HADHB: variants seen among roughly 807,000 people sequenced by gnomAD.
The protein encoded by HADHB is hydroxyacyl-CoA dehydrogenase trifunctional multienzyme complex subunit beta.
A neutral mutation model predicts 61.9 loss-of-function variants in HADHB; 50 were observed. The ratio of observed to expected loss-of-function variants is 0.81; its 90% CI spans 0.64 to 1.02. HADHB has a LOEUF of 1.02. Among genes scored for constraint, HADHB ranks in the 50% least tolerant of loss-of-function variants. The pLI is 0.00. For missense variants in HADHB, 504 were observed against 586.5 expected (o/e 0.86, Z 1.45); for synonymous variants, 191 against 201.6 (o/e 0.95, Z 0.45).
rs190707198 is a variant in HADHB at position 26,289,106 on chromosome 2, C to T, written c.1390-812C>T. ...TCTACTAAAAATACAAAAAATTAGC[C>T]GGACGTGGTGGCGGGCGCCTGTAGT... On this transcript the variant is annotated intron_variant, in intron 15 of 15. Transcript: ENST00000317799. Among the ~76,000 whole-genome samples the T allele has an allele frequency of 2.3e-3, 343 of 151,448 alleles. 3 individuals carry two copies. Among genetic ancestry groups the T allele is most frequent in the African/African-American group, 7.0e-3 (290 of 41,280 alleles).
At chr2:26,274,014 T>G (rs1025830311) in intron 6 of HADHB, among the ~76,000 whole-genome samples, 1 of 152,226 alleles carries the variant, frequency 6.6e-6, no homozygotes, top group Non-Finnish European at 1.5e-5. Flanking sequence ...CATTGTCTCT[T>G]GTGTTAGGAA....
intron 7 of HADHB, 71 bp from the exon 8 acceptor site, chr2:26,278,543 A>G: frequency 7.8e-7 from 1 of 1,289,482 alleles, no homozygotes; most frequent in Non-Finnish European, 1.1e-6. Flanking sequence ...TTTTTAATCA[A>G]GAAGCTTAAA....
intron 3 of HADHB, among the ~76,000 whole-genome samples, chr2:26,257,355 C>T (rs1203825575): frequency 6.6e-6 from 1 of 151,730 alleles, no homozygotes; most frequent in Non-Finnish European, 1.5e-5. Flanking sequence ...CTCCTGACCT[C>T]GTGATCTGCC....
chr2:26,268,287 A>G (rs554971127), intron 4 of HADHB, among the ~76,000 whole-genome samples: 1 of 152,368 alleles, frequency 6.6e-6, no homozygotes, highest in South Asian at 2.1e-4. Context: ...AATCTCCCCC[A>G]AAATATTTAT....
At chr2:26,260,685 A>G (rs1362557706) in intron 3 of HADHB, 2 of 290,184 alleles carry the variant, frequency 6.9e-6, no homozygotes, top group African/African-American at 2.2e-5. Context: ...TTTTTGGTGT[A>G]GTAATGGACC....
At chr2:26,266,861 C>T (rs2147813253) in intron 4 of HADHB, among the ~76,000 whole-genome samples, 1 of 36,892 alleles carries the variant, frequency 2.7e-5, no homozygotes, top group East Asian at 2.5e-4. Flanking sequence ...TGGAGTGAGA[C>T]ACTCTCTCTC....
intron 15 of HADHB, among the ~76,000 whole-genome samples, chr2:26,287,563 A>G (rs1673085985): frequency 6.6e-6 from 1 of 152,222 alleles, no homozygotes; most frequent in African/African-American, 2.4e-5. Flanking sequence ...GCTTTTATGG[A>G]TGAACAAGGA....
At chr2:26,284,839 G>A (rs1672956569) in intron 13 of HADHB, 44 bp from the exon 14 acceptor site, 2 of 950,922 alleles carry the variant, frequency 2.1e-6, no homozygotes, top group African/African-American at 1.6e-5. Flanking sequence ...AAGCGTAGAG[G>A]AACATGAATA....
At chr2:26,261,189 A>C (rs566124994) in intron 3 of HADHB, 1 of 529,166 alleles carries the variant, frequency 1.9e-6, no homozygotes, top group East Asian at 2.9e-5. Flanking sequence ...TGGGATGTCC[A>C]AAACAACAAC....
At chr2:26,245,909 A>G (rs981475874) in intron 1 of HADHB, among the ~76,000 whole-genome samples, 25 of 152,178 alleles carry the variant, frequency 1.6e-4, no homozygotes, top group African/African-American at 5.8e-4. Context: ...TCTGTGACAG[A>G]CCTAGCATTC....
In HADHB at chr2:26,263,419, A is replaced by G. The variant is rs1671940266; in HGVS notation, c.149A>G (p.Asn50Ser). 1 of 1,613,544 alleles carries G rather than the reference A, an allele frequency of 6.2e-7. No individual in the cohort carries two copies. The highest frequency in any genetic ancestry group is 1.7e-4 in the Middle Eastern group (1 of 6,028). The part of the protein sequence containing the change: ...TKTKKTLAKP[N>S]IRNVVVVDGV... Reference sequence around the variant, plus strand: ...ACGAAGAAGACGTTAGCCAAACCCAATATAAGGAATGTTGTGGTGGTGGAT... The same window carrying G: ...ACGAAGAAGACGTTAGCCAAACCCAGTATAAGGAATGTTGTGGTGGTGGAT... The change falls in exon 4 of 16, where the codon AAT (asparagine) becomes AGT (serine). Residue 50 changes from asparagine (N) to serine (S), a missense_variant. By Grantham distance (46) the Asn-to-Ser change is conservative. Transcript: ENST00000317799.
At chr2:26,270,583 C>T (rs984119723) in intron 5 of HADHB, among the ~76,000 whole-genome samples, 9 of 152,052 alleles carry the variant, frequency 5.9e-5, no homozygotes, top group Non-Finnish European at 1.2e-4. Context: ...CCTGCAATAC[C>T]TCAAGCATGA....
intron 1 of HADHB, among the ~76,000 whole-genome samples, chr2:26,251,349 G>A (rs1054715525): frequency 6.6e-6 from 1 of 151,908 alleles, no homozygotes; most frequent in Non-Finnish European, 1.5e-5. Flanking sequence ...ACCATGCCCA[G>A]CTAGTTTTTT....
chr2:26,267,686 C>T (rs973286378), intron 4 of HADHB, among the ~76,000 whole-genome samples: 2 of 148,740 alleles, frequency 1.3e-5, no homozygotes, highest in African/African-American at 2.5e-5. Context: ...GCAGGAGAAT[C>T]GATTGAACCC....
intron 1 of HADHB, among the ~76,000 whole-genome samples, chr2:26,252,899 T>C (rs1458855870): frequency 2.6e-5 from 4 of 152,240 alleles, no homozygotes; most frequent in African/African-American, 9.6e-5. Flanking sequence ...GCCCTCCCCA[T>C]GGACTGTGCC....
intron 4 of HADHB, among the ~76,000 whole-genome samples, chr2:26,268,407 C>A (rs1672189434): frequency 6.6e-6 from 1 of 152,192 alleles, no homozygotes; most frequent in African/African-American, 2.4e-5. Flanking sequence ...TAGTGACTCA[C>A]TTCTAACAAA....
chr2:26,265,355 G>A (rs1672032881), intron 4 of HADHB, among the ~76,000 whole-genome samples: 1 of 152,148 alleles, frequency 6.6e-6, no homozygotes, highest in East Asian at 1.9e-4. Context: ...CAACACTTTG[G>A]GAGGCCAAGG....
chr2:26,270,871 T>G (rs1300491069), intron 5 of HADHB, among the ~76,000 whole-genome samples: 2 of 150,352 alleles, frequency 1.3e-5, no homozygotes, highest in African/African-American at 4.9e-5. Flanking sequence ...GACTGATTCT[T>G]CTGTAGCTTT....
Position 26,289,992 on chromosome 2 carries a change from C to G in HADHB, c.*39C>G, listed in dbSNP as rs1340177563. ...AGTGACCTGAAGTTTCTGTGCAACA[C>G]TCACACTAGGCAATGCCATTTCAAT... is the stretch of plus-strand genomic sequence containing the variant. On this transcript the variant is annotated 3_prime_UTR_variant, in exon 16 of 16. Transcript: ENST00000317799. 7 of 1,397,314 alleles carry G rather than the reference C, an allele frequency of 5.0e-6. No individual in the cohort carries two copies. The highest frequency in any genetic ancestry group is 5.1e-6 in the Non-Finnish European group (5 of 982,344). 86.6% of individuals were successfully genotyped at this position (1,397,314 alleles called of 1,614,324 possible).
Sources: gnomAD v4.1 joint callset for allele counts (sites outside exome capture counted in the v4.1 genomes callset) on GRCh38, gnomAD v4.1.1 for gene constraint, MANE v1.5 for transcripts, NCBI Gene and HGNC (gene_info 2026-07-23, HGNC 2026-07-21) for gene names.